Variants in RSF1 observed in about 807,000 individuals in gnomAD.
RSF1 encodes the protein HBV pX-associated protein 8.
Under a neutral mutation model 145.2 loss-of-function variants are expected in RSF1, and 13 were observed. The observed-to-expected ratio is 0.09, with a 90% CI of 0.06 to 0.14. RSF1 has a LOEUF of 0.14. Among genes scored for constraint, RSF1 ranks in the 10% least tolerant of loss-of-function variants. RSF1 has a pLI of 1.00. For missense variants in RSF1, 1,517 were observed against 1,718.2 expected, an observed-to-expected ratio of 0.88 and a Z score of 2.07; for synonymous variants, 577 against 592.6, an observed-to-expected ratio of 0.97 and a Z score of 0.38.
chr11:77,747,380 A>C (rs1346359535), intron 2 of RSF1, among the ~76,000 whole-genome samples: 1 of 152,212 alleles, frequency 6.6e-6, no homozygotes, highest in Non-Finnish European at 1.5e-5. Context: ...AACTTTATAC[A>C]TACTTTATAG....
At chr11:77,703,772 T>G (rs1159363325) in intron 5 of RSF1, among the ~76,000 whole-genome samples, 2 of 151,078 alleles carry the variant, frequency 1.3e-5, no homozygotes, top group Non-Finnish European at 2.9e-5. Context: ...TTTCAAGAGA[T>G]GAGAGTAAAA....
chr11:77,841,057 T>G, the RSF1 span: 1 of 607,824 alleles, frequency 1.6e-6, no homozygotes, highest in Non-Finnish European at 3.0e-6. Context: ...TTGGCTCGCA[T>G]CTGGTGAGAG....
At chr11:77,808,915 T>C (rs1467559751) in intron 1 of RSF1, among the ~76,000 whole-genome samples, 1 of 152,204 alleles carries the variant, frequency 6.6e-6, no homozygotes, top group South Asian at 2.1e-4. Context: ...TGGGGAAATA[T>C]GCTACGTTAT....
chr11:77,741,015 T>C lies in RSF1; in HGVS notation c.373-79A>G, dbSNP rs73491990. On this transcript the variant is annotated intron_variant, in intron 3 of 15. Transcript: ENST00000308488. ...CAGTAAATATGATACAACCGTAGAA[T>C]TGATTCAGGGAAAGCAGTGGACAGA... 1.2e-3 allele frequency: 1,268 copies of C among 1,074,868 alleles called. 11 individuals are homozygous for C. The African/African-American group carries it at 0.018, about 15-fold the overall frequency. The allele number at this position is 1,074,868 out of a possible 1,614,324, so 66.6% of individuals were successfully genotyped here.
At chr11:77,692,203 T>C (rs1960166634) in intron 8 of RSF1, among the ~76,000 whole-genome samples, 1 of 146,338 alleles carries the variant, frequency 6.8e-6, no homozygotes, top group African/African-American at 2.5e-5. Flanking sequence ...ACTTTCATCA[T>C]TTAAAAAAAA....
Position 77,700,778 on chromosome 11 carries a change from A to C in RSF1, c.2451T>G (p.Thr817=). The C allele has an allele frequency of 6.3e-7, 1 of 1,591,190 alleles. No homozygotes were observed. ...ATTTTTTCAAAATTTCCTTTTTGTC[A>C]GTTTTTTGCAAAGCTGTTGACTCTT... ...VEEESTALQK[T]DKKEILKKSE... is the part of the protein sequence containing the mutation. The change falls in exon 6 of 16, where the codon ACT becomes ACG. Residue 817 remains threonine (T), a synonymous_variant. Coordinates refer to ENST00000308488, the MANE Select transcript of RSF1 (RefSeq NM_016578.4).
Position 77,704,123 on chromosome 11 carries a change from G to C in RSF1, c.734-1628C>G, listed in dbSNP as rs1960487061. Among the ~76,000 whole-genome samples the C allele has an allele frequency of 2.6e-5, 4 of 152,246 alleles. No individual in the cohort carries two copies. In the South Asian group the frequency reaches 8.3e-4, roughly 32 times the overall value. Reference sequence around the variant, plus strand: ...AGCCTGGACAGCATGGTGAAACTCTGTCTCTACAAAAAATACAAAAAGTAG... The same window carrying C: ...AGCCTGGACAGCATGGTGAAACTCTCTCTCTACAAAAAATACAAAAAGTAG... On this transcript the variant is annotated intron_variant, in intron 5 of 15. Coordinates refer to ENST00000308488, the MANE Select transcript of RSF1 (RefSeq NM_016578.4).
chr11:77,842,652 T>C, the RSF1 span: 1 of 1,612,486 alleles, frequency 6.2e-7, no homozygotes, highest in Non-Finnish European at 8.5e-7. Flanking sequence ...CTTTGGTTGA[T>C]ACTACATGAG....
chr11:77,760,806 T>C (rs866546182), intron 2 of RSF1, among the ~76,000 whole-genome samples: 34 of 152,194 alleles, frequency 2.2e-4, no homozygotes, highest in African/African-American at 8.0e-4. Flanking sequence ...TTTCAAGGGA[T>C]TTCTAAACCT....
the RSF1 span, among the ~76,000 whole-genome samples, chr11:77,828,255 A>T: frequency 6.6e-6 from 1 of 151,822 alleles, no homozygotes; most frequent in Non-Finnish European, 1.5e-5. Context: ...AGCCTGGGTG[A>T]CAGAGCGCAA....
In RSF1 at chr11:77,675,211, A is replaced by G; in HGVS notation, c.3387T>C (p.Ser1129=). Residue 1129 remains serine, a synonymous_variant, in exon 14 of 16, where the codon AGT becomes AGC. Coordinates refer to ENST00000308488, the MANE Select transcript of RSF1 (RefSeq NM_016578.4). ...FVVSDENPDE[S]EEDPPSNDDS... The stretch of plus-strand genomic sequence containing the variant: ...CATCATTAGATGGCGGATCTTCTTC[A>G]CTTTCATCTGGGTTTTCATCAGACA... 1 of 1,614,004 alleles carries G rather than the reference A, an allele frequency of 6.2e-7. No homozygotes were observed. The highest frequency in any genetic ancestry group is 8.5e-7 in the Non-Finnish European group (1 of 1,179,998).
intron 1 of RSF1, among the ~76,000 whole-genome samples, chr11:77,785,641 G>A (rs1254134799): frequency 6.6e-6 from 1 of 151,406 alleles, no homozygotes; most frequent in African/African-American, 2.4e-5. Flanking sequence ...TACTTGAGCA[G>A]ATGATATGAA....
At chr11:77,802,103 T>C (rs894786329) in intron 1 of RSF1, among the ~76,000 whole-genome samples, 1 of 152,198 alleles carries the variant, frequency 6.6e-6, no homozygotes, top group Non-Finnish European at 1.5e-5. Context: ...CACTTGGGAC[T>C]CTTCCAGATC....
chr11:77,765,996 C>T (rs1237864443), intron 1 of RSF1, among the ~76,000 whole-genome samples: 9 of 152,276 alleles, frequency 5.9e-5, no homozygotes, highest in Admixed American at 5.9e-4. Flanking sequence ...GATCTGCCCA[C>T]CTTGGCCTCC....
rs781382837 is a variant in RSF1, at chr11:77,700,929, T to C, written c.2300A>G (p.Glu767Gly). Reference sequence around the variant, plus strand: ...TAAAGTACGACCCACATTTGTTTTCTCCTCTTCCTTTTCTGTCTTCTCTTG... The same window carrying C: ...TAAAGTACGACCCACATTTGTTTTCCCCTCTTCCTTTTCTGTCTTCTCTTG... Reference protein sequence around the residue: ...NKQEKTEKEEEKTNVGRTLRR... With the variant: ...NKQEKTEKEEGKTNVGRTLRR... The change falls in exon 6 of 16, where the codon GAG (glutamate) becomes GGG (glycine). Residue 767 changes from glutamate to glycine, a missense_variant. By Grantham distance (98) the Glu-to-Gly change is moderately conservative. Transcript: ENST00000308488. The C allele has an allele frequency of 2.5e-6, 4 of 1,613,416 alleles. No individual in the cohort carries two copies. Among genetic ancestry groups the C allele is most frequent in the Non-Finnish European group, 3.4e-6 (4 of 1,179,962 alleles).
chr11:77,672,560 C>T (rs1345154576), intron 14 of RSF1, among the ~76,000 whole-genome samples: 1 of 149,368 alleles, frequency 6.7e-6, no homozygotes, highest in Non-Finnish European at 1.5e-5. Flanking sequence ...TACCACATGC[C>T]TGGCCTTTAA....
At chr11:77,737,198 A>C (rs1318437258) in intron 4 of RSF1, among the ~76,000 whole-genome samples, 1 of 152,230 alleles carries the variant, frequency 6.6e-6, no homozygotes, top group African/African-American at 2.4e-5. Context: ...CTGTAATCCC[A>C]GCACTTTGGG....
intron 1 of RSF1, chr11:77,813,508 G>A: frequency 1.2e-6 from 1 of 828,532 alleles, no homozygotes; most frequent in South Asian, 1.3e-5. Flanking sequence ...GTCTTGGTAG[G>A]TATTCGAACT....
intron 1 of RSF1, among the ~76,000 whole-genome samples, chr11:77,819,827 G>A (rs190477129): frequency 1.2e-3 from 190 of 152,266 alleles, no homozygotes; most frequent in African/African-American, 4.3e-3. Flanking sequence ...CCTCTCCACA[G>A]TGGAGCTGAA....
Sources: gnomAD v4.1 joint callset for allele counts (sites outside exome capture counted in the v4.1 genomes callset) on GRCh38, gnomAD v4.1.1 for gene constraint, MANE v1.5 for transcripts, NCBI Gene and HGNC (gene_info 2026-07-23, HGNC 2026-07-21) for gene names.